ALPK1: variants seen among roughly 807,000 people sequenced by gnomAD.
ALPK1 encodes alpha-protein kinase 1.
In ALPK1, 110 loss-of-function variants were observed where a neutral mutation model predicts 120.6. That is an observed-to-expected ratio of 0.91 (90% CI 0.78 to 1.07). ALPK1 has a LOEUF of 1.07. Ranked by LOEUF, ALPK1 falls within the 50% of genes least tolerant of loss-of-function variation. The pLI, the probability that ALPK1 is intolerant of heterozygous loss-of-function variation, is 0.00. For synonymous variants in ALPK1, 582 were observed against 560.3 expected, an observed-to-expected ratio of 1.04 and a Z score of -0.55; for missense variants, 1,498 against 1,483.9, an observed-to-expected ratio of 1.01 and a Z score of -0.16.
chr4:112,358,300 C>A (rs1487023361), intron 2 of ALPK1: 2 of 599,020 alleles, frequency 3.3e-6, no homozygotes, highest in East Asian at 3.7e-5. Flanking sequence ...TGTACAACTT[C>A]GGCCATGTCA....
chr4:112,405,069 G>A (rs1352014276), intron 4 of ALPK1, among the ~76,000 whole-genome samples: 1 of 152,194 alleles, frequency 6.6e-6, no homozygotes, highest in Non-Finnish European at 1.5e-5. Flanking sequence ...CCATGCAGAA[G>A]CTGATCAATA....
At chr4:112,440,584 A>G (rs1027687635) in intron 14 of ALPK1, among the ~76,000 whole-genome samples, 1 of 152,226 alleles carries the variant, frequency 6.6e-6, no homozygotes, top group African/African-American at 2.4e-5. Context: ...TCTCTGAATC[A>G]TGAAAGAAAT....
rs115278834 is a variant in ALPK1 at position 112,375,578 on chromosome 4, G to T, written c.-100-2100G>T. Among the ~76,000 whole-genome samples, 1,173 of 152,188 alleles carry T rather than the reference G, an allele frequency of 7.7e-3. 21 individuals are homozygous for T. The highest frequency in any genetic ancestry group is 0.027 in the African/African-American group (1,118 of 41,504). Reference sequence around the variant, plus strand: ...CCTCACCTCTCTCAGTCTTCATAGAGTTGAAGACAGATGGGGCCTTACTCT... The same window carrying T: ...CCTCACCTCTCTCAGTCTTCATAGATTTGAAGACAGATGGGGCCTTACTCT... On this transcript the variant is annotated intron_variant, in intron 2 of 15. Coordinates refer to ENST00000650871, the MANE Select transcript of ALPK1 (RefSeq NM_025144.4).
intron 4 of ALPK1, among the ~76,000 whole-genome samples, chr4:112,393,321 C>T (rs1732507324): frequency 6.6e-6 from 1 of 152,244 alleles, no homozygotes; most frequent in Non-Finnish European, 1.5e-5. Context: ...TCCAAAAGAG[C>T]AGGCTGGCAT....
intron 2 of ALPK1, chr4:112,356,276 C>T (rs1730608092): frequency 8.8e-7 from 1 of 1,131,318 alleles, no homozygotes; most frequent in African/African-American, 1.5e-5. Flanking sequence ...AGGCAAGACG[C>T]TGTGCCTCCT....
At chr4:112,432,939 A>G (rs1258917372) in intron 11 of ALPK1, among the ~76,000 whole-genome samples, 1 of 152,160 alleles carries the variant, frequency 6.6e-6, no homozygotes, top group Non-Finnish European at 1.5e-5. Context: ...ATTGATTCTC[A>G]TTACCAATCA....
chr4:112,397,362 T>C (rs1732696420), intron 4 of ALPK1, among the ~76,000 whole-genome samples: 1 of 152,254 alleles, frequency 6.6e-6, no homozygotes, highest in South Asian at 2.1e-4. Flanking sequence ...GCAAAATATA[T>C]TTCTTTCATG....
At chr4:112,399,706 C>T (rs113587593) in intron 4 of ALPK1, among the ~76,000 whole-genome samples, 152 of 152,108 alleles carry the variant, frequency 1.0e-3, no homozygotes, top group African/African-American at 3.3e-3. Context: ...AGTTTTAAGC[C>T]CCACATGCAT....
At chr4:112,352,234 A>G (rs969106931) in intron 2 of ALPK1, among the ~76,000 whole-genome samples, 5 of 152,270 alleles carry the variant, frequency 3.3e-5, no homozygotes, top group South Asian at 2.1e-4. Flanking sequence ...TACATGGAAC[A>G]TGATGAATAC....
intron 5 of ALPK1, among the ~76,000 whole-genome samples, chr4:112,418,961 G>T (rs181699422): frequency 6.6e-6 from 1 of 152,284 alleles, no homozygotes; most frequent in East Asian, 1.9e-4. Flanking sequence ...ATAAAGGCTA[G>T]AAATGAATAA....
At chr4:112,372,957 A>C (rs950266144) in intron 2 of ALPK1, among the ~76,000 whole-genome samples, 18 of 152,148 alleles carry the variant, frequency 1.2e-4, no homozygotes, top group South Asian at 2.1e-4. Flanking sequence ...TTTGTGCACG[A>C]GCTCTTCCTA....
chr4:112,435,967 A>T (rs1396564127), intron 12 of ALPK1, among the ~76,000 whole-genome samples: 1 of 152,242 alleles, frequency 6.6e-6, no homozygotes, highest in East Asian at 1.9e-4. Context: ...TCTTAATAAA[A>T]ATTTTAAACA....
chr4:112,422,823 G>T (rs963895437), intron 5 of ALPK1, among the ~76,000 whole-genome samples: 15 of 152,248 alleles, frequency 9.9e-5, no homozygotes, highest in African/African-American at 3.6e-4. Flanking sequence ...GAGGGCCTCA[G>T]CTGTCCTCTG....
chr4:112,431,213 G>C lies in ALPK1; in HGVS notation c.1666G>C (p.Glu556Gln), dbSNP rs1267526601. ...RVSLDQDVET[E>Q]TEPSDYSNGE... ...CTCCTTGGATCAAGATGTGGAGACT[G>C]AGACTGAGCCATCGGACTACAGCAA... Residue 556 changes from glutamate (E) to glutamine (Q), a missense_variant, in exon 11 of 16, where the codon GAG (glutamate) becomes CAG (glutamine). Coordinates refer to ENST00000650871, the MANE Select transcript of ALPK1 (RefSeq NM_025144.4). 6.2e-7 allele frequency: 1 copy of C among 1,614,160 alleles called. No individual in the cohort carries two copies. The highest frequency in any genetic ancestry group is 1.1e-5 in the South Asian group (1 of 91,076).
At chr4:112,426,260 A>G in intron 7 of ALPK1, 1 of 361,142 alleles carries the variant, frequency 2.8e-6, no homozygotes. Context: ...AATATATAAT[A>G]ATTCTGTTTC....
At chr4:112,408,411 A>G (rs1324105150) in intron 4 of ALPK1, among the ~76,000 whole-genome samples, 1 of 152,166 alleles carries the variant, frequency 6.6e-6, no homozygotes, top group East Asian at 1.9e-4. Flanking sequence ...AGCTGGCCAC[A>G]TATAAAACCA....
intron 2 of ALPK1, among the ~76,000 whole-genome samples, chr4:112,332,028 G>A (rs543829569): frequency 1.7e-4 from 26 of 152,222 alleles, no homozygotes; most frequent in African/African-American, 6.0e-4. Context: ...ATGACTTTAC[G>A]CTCAAGTCTG....
At chr4:112,315,341 A>C (rs1728588064) in intron 1 of ALPK1, among the ~76,000 whole-genome samples, 1 of 152,252 alleles carries the variant, frequency 6.6e-6, no homozygotes, top group Admixed American at 6.5e-5. Flanking sequence ...GCAGAACTCC[A>C]GGAGATAAGA....
At chr4:112,373,456 T>A (rs573928706) in intron 2 of ALPK1, among the ~76,000 whole-genome samples, 3 of 152,320 alleles carry the variant, frequency 2.0e-5, no homozygotes, top group Admixed American at 6.5e-5. Flanking sequence ...TTGGAAACCT[T>A]TTAGTTCAAC....
Sources: gnomAD v4.1 joint callset for allele counts (sites outside exome capture counted in the v4.1 genomes callset) on GRCh38, gnomAD v4.1.1 for gene constraint, MANE v1.5 for transcripts, NCBI Gene and HGNC (gene_info 2026-07-23, HGNC 2026-07-21) for gene names.